Variants in KIF21B observed in about 807,000 individuals in gnomAD.
The protein encoded by KIF21B is kinesin family member 21B.
KIF21B carries 85 observed loss-of-function variants against 192.9 expected under a neutral mutation model. The observed-to-expected ratio is 0.44, with a 90% CI of 0.37 to 0.53. KIF21B has a LOEUF of 0.53. KIF21B is among the 20% of genes least tolerant of loss of function. The pLI is 0.00. For missense variants in KIF21B, 1,716 were observed against 2,194.8 expected (o/e 0.78, Z 4.36); for synonymous variants, 832 against 884.6 (o/e 0.94, Z 1.05).
rs766556418 is a variant in KIF21B at position 200,976,818 on chromosome 1, C to T, written c.4401G>A (p.Gln1467=). Residue 1467 remains glutamine (Q), a synonymous_variant, in exon 32 of 35, where the codon CAG becomes CAA. Transcript: ENST00000461742. Reference sequence around the variant, plus strand: ...TGGAGCCAGTCACCACGAGGTCATGCTGGCTGGCCGTCTGGGTGACCGTCA... The same window carrying T: ...TGGAGCCAGTCACCACGAGGTCATGTTGGCTGGCCGTCTGGGTGACCGTCA... The part of the protein sequence containing the change: ...MCLTVTQTAS[Q]HDLVVTGSKD... 6.2e-7 allele frequency: 1 copy of T among 1,613,658 alleles called. No individual in the cohort carries two copies. The highest frequency in any genetic ancestry group is 1.1e-5 in the South Asian group (1 of 91,032).
Position 201,004,435 on chromosome 1 carries a change from G to A in KIF21B, c.921C>T (p.Ile307=), listed in dbSNP as rs201928475. Residue 307 remains isoleucine, a synonymous_variant, in exon 7 of 35, where the codon ATC becomes ATT. Transcript: ENST00000461742. Reference sequence around the variant, plus strand: ...TCTTGCTCTGGTCCCCTAAGGCGCTGATCACATTGCCCAAGGCCAGCTGTG... The same window carrying A: ...TCTTGCTCTGGTCCCCTAAGGCGCTAATCACATTGCCCAAGGCCAGCTGTG... ...NCGLLALGNV[I]SALGDQSKKV... 3 of 1,577,452 alleles carry A rather than the reference G, an allele frequency of 1.9e-6. No individual in the cohort carries two copies. The highest frequency in any genetic ancestry group is 2.7e-5 in the African/African-American group (2 of 74,598).
chr1:200,987,486 C>T (rs1656388670), intron 24 of KIF21B, among the ~76,000 whole-genome samples: 1 of 152,130 alleles, frequency 6.6e-6, no homozygotes, highest in African/African-American at 2.4e-5. Context: ...TCACAAAATC[C>T]TCTTGCCTCA....
rs892966441 is a variant in KIF21B, at chr1:200,999,448, C to G, written c.1786G>C (p.Glu596Gln). Residue 596 changes from glutamate (E) to glutamine (Q), a missense_variant, in exon 13 of 35, where the codon GAG becomes CAG. By Grantham distance (29) the Glu-to-Gln change is conservative. Around this residue, in one of 3 missense-constraint regions of KIF21B, gnomAD observed 1,087 missense variants for 1,316.6 expected, o/e 0.83. Transcript: ENST00000461742. The surrounding 1 kb of genome is among the most constrained non-coding windows in gnomAD (Gnocchi z 4.7). ...CCTTCCTCCTCCTCACAGCCACTCT[C>G]GTCTCGCTCTTCCTCCTCCTGGGCA... is the stretch of plus-strand genomic sequence containing the variant. ...EAEEEEEERD[E>Q]SGCEEEEGRE... The G allele has an allele frequency of 6.2e-7, 1 of 1,613,998 alleles. No homozygotes were observed. The highest frequency in any genetic ancestry group is 1.7e-5 in the Admixed American group (1 of 60,024).
intron 1 of KIF21B, among the ~76,000 whole-genome samples, chr1:201,019,865 C>A (rs1311659651): frequency 3.9e-5 from 6 of 152,152 alleles, no homozygotes; most frequent in African/African-American, 1.4e-4. Flanking sequence ...TTTCTTCTGT[C>A]TTCTTCAGTC....
At position 201,012,142 on chromosome 1, in the gene KIF21B, A is replaced by T. The variant is rs116347950; in HGVS notation, c.42-2654T>A. Among the ~76,000 whole-genome samples the T allele has an allele frequency of 1.9e-3, 285 of 152,284 alleles. 1 individual carries two copies. Among genetic ancestry groups the T allele is most frequent in the African/African-American group, 6.2e-3 (256 of 41,556 alleles). ...CTGGGGCCCTTTTTTGGCCCAACACATCCTGAGATGAGGGTCTTTGTGGTC... is the reference window on the plus strand; with the variant it reads ...CTGGGGCCCTTTTTTGGCCCAACACTTCCTGAGATGAGGGTCTTTGTGGTC... On this transcript the variant is annotated intron_variant, in intron 1 of 34. Transcript: ENST00000461742.
chr1:200,974,655 C>T (rs1231438752), intron 34 of KIF21B, 59 bp downstream of exon 34: 9 of 1,445,768 alleles, frequency 6.2e-6, no homozygotes, highest in Non-Finnish European at 7.3e-6. Context: ...CCAGCCTCCC[C>T]TGCCCACACC....
intron 29 of KIF21B, among the ~76,000 whole-genome samples, chr1:200,980,679 C>T (rs989397488): frequency 6.6e-6 from 1 of 152,188 alleles, no homozygotes; most frequent in African/African-American, 2.4e-5. Flanking sequence ...AGTGCAAGTA[C>T]AGGTGGGGCA....
In KIF21B at chr1:201,021,977, C is replaced by G. The variant is rs141446592; in HGVS notation, c.41+1366G>C. ...GCCTGGCCCCGCCCCAGTCAGCCCACCAGGCACCTGCAGGGCTCCTCTTTG... is the reference window on the plus strand; with the variant it reads ...GCCTGGCCCCGCCCCAGTCAGCCCAGCAGGCACCTGCAGGGCTCCTCTTTG... On this transcript the variant is annotated intron_variant, in intron 1 of 34. Coordinates refer to ENST00000461742, the MANE Select transcript of KIF21B (RefSeq NM_001252102.2). 1.2e-4 allele frequency among the ~76,000 whole-genome samples: 19 copies of G among 152,370 alleles called. No homozygotes were observed. The East Asian group carries it at 3.7e-3, about 29-fold the overall frequency.
At chr1:200,977,121 ACCCACCCTGGGGTGGGT>A (rs1655608153) in intron 31 of KIF21B, 74 bp downstream of exon 31, 1 of 1,472,426 alleles carries the variant, frequency 6.8e-7, no homozygotes. Flanking sequence ...CTGAGGTCCT[ACCCACCCTGGGGTGGGT>A]CCCCCTGAAC....
rs1440641266 is a variant in KIF21B, at chr1:200,982,156, T to TC, written c.3842+899dup. Among the ~76,000 whole-genome samples the TC allele has an allele frequency of 1.3e-5, 2 of 151,928 alleles. No individual in the cohort carries two copies. The highest frequency in any genetic ancestry group is 6.6e-5 in the Admixed American group (1 of 15,258). On this transcript the variant is annotated intron_variant, in intron 28 of 34. Transcript: ENST00000461742. This position sits in a 1 kb window ranked among gnomAD's most constrained non-coding sequence, Gnocchi z 4.7. ...CAGGTGCCACACATGCACAAATAGC[T>TC]CCCCAAGCTGCTCCAGCACCCTGCT...
intron 17 of KIF21B, 34 bp downstream of exon 17, chr1:200,991,623 G>A (rs1275559898): frequency 1.7e-5 from 28 of 1,602,770 alleles, no homozygotes; most frequent in Non-Finnish European, 2.4e-5. Context: ...GTGCAGCAGG[G>A]CCAGGGCCTC....
In KIF21B at chr1:201,004,470, C is replaced by A. The variant is rs1329586542; in HGVS notation, c.901-15G>T. The A allele has an allele frequency of 5.1e-6, 8 of 1,553,634 alleles. No individual in the cohort carries two copies. Among genetic ancestry groups the A allele is most frequent in the African/African-American group, 4.1e-5 (3 of 73,700 alleles). ...CCCAAGGCCAGCTGTGGGAGACAGACCCTGGCACTCAGCAGTCACTCAGGG... is the reference window on the plus strand; with the variant it reads ...CCCAAGGCCAGCTGTGGGAGACAGAACCTGGCACTCAGCAGTCACTCAGGG... On this transcript the variant is annotated splice_polypyrimidine_tract_variant and intron_variant, in intron 6 of 34. Coordinates refer to ENST00000461742, the MANE Select transcript of KIF21B (RefSeq NM_001252102.2).
At position 201,005,785 on chromosome 1, in the gene KIF21B, A is replaced by T. The variant is rs1019834706; in HGVS notation, c.448-91T>A. The T allele has an allele frequency of 1.1e-5, 15 of 1,349,774 alleles. No homozygotes were observed. In the East Asian group the frequency reaches 3.0e-4, roughly 27 times the overall value. The allele number at this position is 1,349,774 out of a possible 1,614,324, so 83.6% of individuals were successfully genotyped here. On this transcript the variant is annotated intron_variant, in intron 3 of 34. Coordinates refer to ENST00000461742, the MANE Select transcript of KIF21B (RefSeq NM_001252102.2). ...CCTATAAACCATATCTGTTTTACAG[A>T]TGTGGAAACTGAGGCTGTGGGTCCC...
chr1:200,988,376 T>A, intron 23 of KIF21B, 23 bp from the exon 24 acceptor site: 1 of 1,613,946 alleles, frequency 6.2e-7, no homozygotes. Flanking sequence ...CAGAGAGAGT[T>A]CAGGATCCTG....
intron 1 of KIF21B, among the ~76,000 whole-genome samples, chr1:201,011,421 CACAG>C (rs1410154424): frequency 2.0e-5 from 3 of 152,236 alleles, no homozygotes; most frequent in South Asian, 2.1e-4. Flanking sequence ...AGTCACAGGT[CACAG>C]ACAGTCAGGA....
chr1:200,978,065 T>C (rs1655674895), intron 30 of KIF21B, among the ~76,000 whole-genome samples: 1 of 149,708 alleles, frequency 6.7e-6, no homozygotes. Flanking sequence ...GTTTGTTTGT[T>C]TGAGATGGAG....
intron 1 of KIF21B, among the ~76,000 whole-genome samples, chr1:201,021,447 G>T (rs1298991417): frequency 2.0e-5 from 3 of 152,232 alleles, no homozygotes; most frequent in Non-Finnish European, 4.4e-5. Context: ...AAGGCAAGGC[G>T]TGGGGGCACC....
rs1343881811 is a variant in KIF21B, at chr1:201,023,510, G to T, written c.-127C>A. The stretch of plus-strand genomic sequence containing the variant: ...GGCTGGCGGAGGCTGCGGCGGCGGC[G>T]GCTGGAGGTGACATGCTCGCGGGCG... On this transcript the variant is annotated 5_prime_UTR_variant, in exon 1 of 35. Transcript: ENST00000461742. This position sits in a 1 kb window ranked among gnomAD's most constrained non-coding sequence, Gnocchi z 5.9. The T allele has an allele frequency of 1.0e-5, 5 of 500,818 alleles. No homozygotes were observed. The highest frequency in any genetic ancestry group is 8.2e-5 in the African/African-American group (4 of 48,548). The allele number at this position is 500,818 out of a possible 1,614,324, so 31.0% of individuals were successfully genotyped here.
At position 201,004,709 on chromosome 1, in the gene KIF21B, AG is replaced by A. The variant is rs746998750; in HGVS notation, c.900+56del. 1.3e-5 allele frequency: 21 copies of A among 1,604,276 alleles called. No homozygotes were observed. The South Asian group carries it at 2.1e-4, about 16-fold the overall frequency. On this transcript the variant is annotated intron_variant, in intron 6 of 34. Coordinates refer to ENST00000461742, the MANE Select transcript of KIF21B (RefSeq NM_001252102.2). ...CAGGTGTAGGACTGCAGGGCCTTGG[AG>A]GGGTCTGAGACTGAGCTGTGTGGGT...
Sources: allele counts gnomAD v4.1 joint callset (sites outside exome capture counted in the v4.1 genomes callset), GRCh38; gene constraint gnomAD v4.1.1; regional missense constraint gnomAD v4.1.1; non-coding constraint Gnocchi (gnomAD v3.1); transcripts MANE v1.5; gene names NCBI Gene and HGNC (gene_info 2026-07-23, HGNC 2026-07-21).